CCDC3: variants seen among roughly 807,000 people sequenced by gnomAD.
CCDC3 encodes the protein coiled-coil domain containing 3, also known as coiled-coil domain-containing protein 3.
In CCDC3, 24 loss-of-function variants were observed where a neutral mutation model predicts 21.4. The observed-to-expected ratio is 1.12, with a 90% CI of 0.81 to 1.58. The LOEUF (loss-of-function observed/expected upper bound fraction) is 1.58, where lower values mean the gene tolerates loss of function less well. Ranked by LOEUF, CCDC3 falls within the 40% of genes most tolerant of loss-of-function variation. CCDC3 has a pLI of 0.00. For synonymous variants in CCDC3, 186 were observed against 166.0 expected (o/e 1.12, Z -0.93); for missense variants, 425 against 360.9 (o/e 1.18, Z -1.44).
chr10:12,986,704 C>T (rs1467640550), intron 2 of CCDC3, among the ~76,000 whole-genome samples: 11 of 150,614 alleles, frequency 7.3e-5, no homozygotes, highest in East Asian at 4.0e-4. Flanking sequence ...ACGCGGGAGG[C>T]GGAGCTTGCA....
At chr10:13,052,371 T>A (rs553633031) in intron 4 of CCDC3, among the ~76,000 whole-genome samples, 23 of 152,126 alleles carry the variant, frequency 1.5e-4, no homozygotes, top group Non-Finnish European at 2.8e-4. Context: ...AGACCCTATC[T>A]CAAAATTTAA....
At chr10:12,937,656 A>G (rs1040111495) in intron 2 of CCDC3, among the ~76,000 whole-genome samples, 4 of 152,210 alleles carry the variant, frequency 2.6e-5, no homozygotes, top group African/African-American at 9.7e-5. Context: ...AAAGAGCTCT[A>G]TGGCACAGAA....
At chr10:12,901,318 G>A (rs189899520) in intron 2 of CCDC3, among the ~76,000 whole-genome samples, 1 of 152,014 alleles carries the variant, frequency 6.6e-6, no homozygotes, top group Non-Finnish European at 1.5e-5. Flanking sequence ...CGCCAGGCTG[G>A]AGTGCAGTGG....
At chr10:12,925,481 T>TC (rs1834522003) in intron 2 of CCDC3, among the ~76,000 whole-genome samples, 1 of 152,130 alleles carries the variant, frequency 6.6e-6, no homozygotes, top group Non-Finnish European at 1.5e-5. Flanking sequence ...TCTCCGCAAC[T>TC]CCCCACAAGC....
At chr10:12,958,919 G>A (rs925349127) in intron 2 of CCDC3, among the ~76,000 whole-genome samples, 3 of 152,198 alleles carry the variant, frequency 2.0e-5, no homozygotes, top group Admixed American at 1.3e-4. Flanking sequence ...GGGGAGAGAC[G>A]CAGTTCTAAT....
chr10:13,066,973 G>A (rs1359774457), intron 4 of CCDC3, among the ~76,000 whole-genome samples: 3 of 152,190 alleles, frequency 2.0e-5, no homozygotes, highest in Non-Finnish European at 4.4e-5. Context: ...CCCAGTTTTA[G>A]CTGAACTAAG....
chr10:12,898,084 A>G lies in CCDC3; in HGVS notation c.*332T>C, dbSNP rs1189093318. ...AAGGCTAAGCACGTTGATGTCTTTT[A>G]CACTAGAGATTCTAAAATGTTCTCT... is the stretch of plus-strand genomic sequence containing the variant. On this transcript the variant is annotated 3_prime_UTR_variant, in exon 3 of 3. Coordinates refer to ENST00000378825, the MANE Select transcript of CCDC3 (RefSeq NM_031455.4). The G allele has an allele frequency of 3.2e-6, 1 of 308,180 alleles. No individual in the cohort carries two copies. Among genetic ancestry groups the G allele is most frequent in the African/African-American group, 2.1e-5 (1 of 47,382 alleles). The allele number at this position is 308,180 out of a possible 1,614,324, so 19.1% of individuals were successfully genotyped here.
At chr10:12,913,748 A>T (rs1834306030) in intron 2 of CCDC3, among the ~76,000 whole-genome samples, 2 of 152,240 alleles carry the variant, frequency 1.3e-5, no homozygotes, top group African/African-American at 4.8e-5. Flanking sequence ...GTGTTGAGAC[A>T]CATTCCTTCT....
At chr10:13,034,521 ATC>A (rs1426910442) in intron 5 of CCDC3, among the ~76,000 whole-genome samples, 3 of 79,430 alleles carry the variant, frequency 3.8e-5, no homozygotes, top group Non-Finnish European at 6.6e-5. Context: ...AAAAGCCTAG[ATC>A]TTAAAAAAAA....
intron 5 of CCDC3, among the ~76,000 whole-genome samples, chr10:13,032,969 T>C (rs1836325318): frequency 6.6e-6 from 1 of 152,198 alleles, no homozygotes; most frequent in African/African-American, 2.4e-5. Flanking sequence ...AATGACTTTC[T>C]TCACAGAATT....
At chr10:12,921,988 C>T (rs1306810848) in intron 2 of CCDC3, among the ~76,000 whole-genome samples, 1 of 152,214 alleles carries the variant, frequency 6.6e-6, no homozygotes, top group African/African-American at 2.4e-5. Flanking sequence ...CTTCAGCCTT[C>T]CAAAGTGCTG....
At position 12,945,039 on chromosome 10, in the gene CCDC3, T is replaced by C. The variant is rs556485996; in HGVS notation, c.550-46360A>G. Reference sequence around the variant, plus strand: ...TAGAGATACAACTTTCCCTCCCCTATAGCTTTTTATTAGAGACTAAAGATA... The same window carrying C: ...TAGAGATACAACTTTCCCTCCCCTACAGCTTTTTATTAGAGACTAAAGATA... On this transcript the variant is annotated intron_variant, in intron 2 of 2. Transcript: ENST00000378825. Among the ~76,000 whole-genome samples, 8 of 152,330 alleles carry C rather than the reference T, an allele frequency of 5.3e-5. No individual in the cohort carries two copies. The East Asian group carries it at 5.8e-4, about 11-fold the overall frequency.
intron 2 of CCDC3, among the ~76,000 whole-genome samples, chr10:12,952,041 G>A (rs1201337205): frequency 6.6e-6 from 1 of 152,120 alleles, no homozygotes; most frequent in Non-Finnish European, 1.5e-5. Context: ...GGACAGATAA[G>A]GAAATAAAGG....
At chr10:13,062,069 T>C (rs1836764549) in intron 4 of CCDC3, among the ~76,000 whole-genome samples, 1 of 149,076 alleles carries the variant, frequency 6.7e-6, no homozygotes, top group Admixed American at 6.8e-5. Flanking sequence ...TGCCACATAA[T>C]GTTATGCCAG....
Position 12,998,441 on chromosome 10 carries a change from T to C in CCDC3, c.446A>G (p.Glu149Gly). The part of the protein sequence containing the change: ...FQDAIFPDTQ[E>G]NRRMFSSLFQ... ...AAGGCTAGAAAACATCCTTCTGTTC[T>C]CTTGAGTGTCTGGGAAGATGGCATC... is the stretch of plus-strand genomic sequence containing the variant. The change falls in exon 2 of 3, where the codon GAG becomes GGG. Residue 149 changes from glutamate to glycine, a missense_variant. Coordinates refer to ENST00000378825, the MANE Select transcript of CCDC3 (RefSeq NM_031455.4). 6.2e-7 allele frequency: 1 copy of C among 1,614,192 alleles called. No individual in the cohort carries two copies. Among genetic ancestry groups the C allele is most frequent in the Non-Finnish European group, 8.5e-7 (1 of 1,180,032 alleles).
chr10:13,040,687 T>TCACACACACACACA (rs10653974), intron 5 of CCDC3, among the ~76,000 whole-genome samples: 490 of 142,838 alleles, frequency 3.4e-3, no homozygotes, highest in African/African-American at 0.012. Context: ...CAAAACTCTG[T>TCACACACACACACA]CACACACACA....
At chr10:12,906,832 G>A (rs1468085803) in intron 2 of CCDC3, among the ~76,000 whole-genome samples, 4 of 152,134 alleles carry the variant, frequency 2.6e-5, no homozygotes, top group South Asian at 4.1e-4. Flanking sequence ...TGTGATTGTC[G>A]TTCGCCCGAG....
At chr10:12,932,579 G>A (rs955683182) in intron 2 of CCDC3, among the ~76,000 whole-genome samples, 1 of 152,096 alleles carries the variant, frequency 6.6e-6, no homozygotes, top group African/African-American at 2.4e-5. Context: ...CTATTTGGGG[G>A]AATTTTCTAC....
chr10:12,947,373 C>T (rs1333722499), intron 2 of CCDC3, among the ~76,000 whole-genome samples: 1 of 152,160 alleles, frequency 6.6e-6, no homozygotes, highest in East Asian at 1.9e-4. Flanking sequence ...GTCTGGAACT[C>T]CTGACCTCCA....
Sources: allele counts gnomAD v4.1 joint callset (sites outside exome capture counted in the v4.1 genomes callset), GRCh38; gene constraint gnomAD v4.1.1; transcripts MANE v1.5; gene names NCBI Gene and HGNC (gene_info 2026-07-23, HGNC 2026-07-21).